Variants in CAMTA1 observed in about 807,000 individuals in gnomAD.
The protein encoded by CAMTA1 is calmodulin binding transcription activator 1, also known as calmodulin-binding transcription activator 1.
Under a neutral mutation model 170.9 loss-of-function variants are expected in CAMTA1, and 27 were observed. That is an observed-to-expected ratio of 0.16 (90% CI 0.12 to 0.22). CAMTA1 has a LOEUF of 0.22. Ranked by LOEUF, CAMTA1 falls within the 10% of genes least tolerant of loss-of-function variation. CAMTA1 has a pLI of 1.00. For missense variants in CAMTA1, 1,619 were observed against 2,217.2 expected (o/e 0.73, Z 5.42); for synonymous variants, 833 against 891.5 (o/e 0.93, Z 1.17).
At chr1:7,543,837 C>CT (rs34168518) in intron 6 of CAMTA1, among the ~76,000 whole-genome samples, 21 of 147,524 alleles carry the variant, frequency 1.4e-4, no homozygotes, top group Middle Eastern at 3.6e-3. Context: ...GCGAGCAGAA[C>CT]TTTTTTTTTT....
intron 5 of CAMTA1, among the ~76,000 whole-genome samples, chr1:7,401,670 C>T (rs2089915656): frequency 6.6e-6 from 1 of 152,168 alleles, no homozygotes. Flanking sequence ...TTCATTAGTG[C>T]TCTCTAGTTT....
rs546348364 is a variant in CAMTA1 at position 7,476,671 on chromosome 1, G to A, written c.510+8770G>A. Reference sequence around the variant, plus strand: ...TGGAGGGGAGCATGGGGAAGGGCCTGGAATCCTCCTGACTCTCTGCTGGGC... The same window carrying A: ...TGGAGGGGAGCATGGGGAAGGGCCTAGAATCCTCCTGACTCTCTGCTGGGC... On this transcript the variant is annotated intron_variant, in intron 6 of 22. Coordinates refer to ENST00000303635, the MANE Select transcript of CAMTA1 (RefSeq NM_015215.4). Among the ~76,000 whole-genome samples, 316 of 152,256 alleles carry A rather than the reference G, an allele frequency of 2.1e-3. 1 individual carries two copies. The highest frequency in any genetic ancestry group is 4.0e-3 in the Non-Finnish European group (270 of 68,014).
chr1:7,218,190 T>C (rs540365273), intron 4 of CAMTA1, among the ~76,000 whole-genome samples: 1 of 152,370 alleles, frequency 6.6e-6, no homozygotes, highest in African/African-American at 2.4e-5. Flanking sequence ...TATAGTAAGT[T>C]ATTTGATCTT....
chr1:7,247,410 G>A (rs1665989185), intron 4 of CAMTA1, among the ~76,000 whole-genome samples: 1 of 152,186 alleles, frequency 6.6e-6, no homozygotes, highest in African/African-American at 2.4e-5. Flanking sequence ...ACCCTGCTGA[G>A]GTTATTAGTC....
chr1:7,244,861 G>A (rs1356864176), intron 4 of CAMTA1, among the ~76,000 whole-genome samples: 2 of 151,934 alleles, frequency 1.3e-5, no homozygotes, highest in African/African-American at 4.8e-5. Flanking sequence ...CCTGCACGTT[G>A]TGCACATGTA....
intron 3 of CAMTA1, among the ~76,000 whole-genome samples, chr1:7,012,658 G>A (rs575322188): frequency 5.9e-5 from 9 of 152,230 alleles, no homozygotes; most frequent in African/African-American, 2.2e-4. Flanking sequence ...GCCCCTCTCT[G>A]TGACGCACTT....
At position 7,007,582 on chromosome 1, in the gene CAMTA1, C is replaced by T. The variant is rs540609229; in HGVS notation, c.235-83722C>T. On this transcript the variant is annotated intron_variant, in intron 3 of 22. Transcript: ENST00000303635. This position sits in a 1 kb window ranked among gnomAD's most constrained non-coding sequence, Gnocchi z 4.5. ...ACCTCCTGCTTCAGCCCTTACTCGC[C>T]TCCTCCAATCCCAAACTCCTCCCAT... Among the ~76,000 whole-genome samples, 2 of 152,290 alleles carry T rather than the reference C, an allele frequency of 1.3e-5. No individual in the cohort carries two copies. Among genetic ancestry groups the T allele is most frequent in the South Asian group, 4.2e-4 (2 of 4,818 alleles).
chr1:7,635,329 C>T lies in CAMTA1; in HGVS notation c.511-5071C>T, dbSNP rs922173626. Among the ~76,000 whole-genome samples, 4 of 152,122 alleles carry T rather than the reference C, an allele frequency of 2.6e-5. No homozygotes were observed. The highest frequency in any genetic ancestry group is 7.2e-5 in the African/African-American group (3 of 41,420). On this transcript the variant is annotated intron_variant, in intron 6 of 22. Transcript: ENST00000303635. This position sits in a 1 kb window ranked among gnomAD's most constrained non-coding sequence, Gnocchi z 4.4. ...ACTGTCCAGAATCAAGGATCCGGGC[C>T]GGGCGTGGTGGCTCACGCCTGTAAT... is the stretch of plus-strand genomic sequence containing the variant.
intron 5 of CAMTA1, among the ~76,000 whole-genome samples, chr1:7,350,506 G>A (rs1052767287): frequency 4.6e-5 from 7 of 152,182 alleles, no homozygotes; most frequent in African/African-American, 1.7e-4. Flanking sequence ...CTCCGTTTCT[G>A]CGATATCACT....
intron 3 of CAMTA1, among the ~76,000 whole-genome samples, chr1:6,842,337 G>C (rs531461816): frequency 6.6e-6 from 1 of 152,204 alleles, no homozygotes; most frequent in South Asian, 2.1e-4. Context: ...GCTCAGAAGA[G>C]CCAGGCCTCC....
At chr1:6,900,919 A>G (rs1467922439) in intron 3 of CAMTA1, among the ~76,000 whole-genome samples, 1 of 152,252 alleles carries the variant, frequency 6.6e-6, no homozygotes, top group Admixed American at 6.5e-5. Flanking sequence ...GTTTTTATGG[A>G]AATGCAAAAG....
chr1:7,252,565 A>G (rs889060953), intron 5 of CAMTA1, among the ~76,000 whole-genome samples: 3 of 152,182 alleles, frequency 2.0e-5, no homozygotes, highest in African/African-American at 4.8e-5. Context: ...AGGGATTTCC[A>G]TGGGGCTTTG....
intron 3 of CAMTA1, among the ~76,000 whole-genome samples, chr1:7,078,350 A>G (rs978183999): frequency 6.6e-6 from 1 of 152,212 alleles, no homozygotes; most frequent in Non-Finnish European, 1.5e-5. Flanking sequence ...GCAAGTCTGC[A>G]TCTTCATCTG....
chr1:7,663,329 C>T (rs780476823), intron 8 of CAMTA1, 24 bp from the exon 9 acceptor site: 49 of 1,517,344 alleles, frequency 3.2e-5, no homozygotes, highest in Admixed American at 6.5e-5. Flanking sequence ...TGTGCGTGCG[C>T]GTGTTGTGTT....
chr1:7,674,445 C>T lies in CAMTA1; in HGVS notation c.2780-3154C>T, dbSNP rs1427384346. On this transcript the variant is annotated intron_variant, in intron 10 of 22. Transcript: ENST00000303635. The surrounding 1 kb of genome is among the most constrained non-coding windows in gnomAD (Gnocchi z 4.1). Reference sequence around the variant, plus strand: ...AGACTCTACTGGCCAGAGAGCCCTACTCTGGATTCCTAAGAGGTCACCAGA... The same window carrying T: ...AGACTCTACTGGCCAGAGAGCCCTATTCTGGATTCCTAAGAGGTCACCAGA... Among the ~76,000 whole-genome samples, 1 of 152,140 alleles carries T rather than the reference C, an allele frequency of 6.6e-6. No individual in the cohort carries two copies. The highest frequency in any genetic ancestry group is 2.4e-5 in the African/African-American group (1 of 41,436).
chr1:6,797,353 G>C (rs992171769), intron 1 of CAMTA1, among the ~76,000 whole-genome samples: 3 of 150,594 alleles, frequency 2.0e-5, no homozygotes, highest in African/African-American at 7.4e-5. Flanking sequence ...GAACCACCAC[G>C]TTCGGCTGAG....
At chr1:7,439,450 C>A (rs116300315) in intron 5 of CAMTA1, among the ~76,000 whole-genome samples, 1,613 of 152,288 alleles carry the variant, frequency 0.011, 25 homozygotes, top group African/African-American at 0.036. Context: ...GTCCAGCCCC[C>A]ACTCCTGCCT....
At chr1:7,358,661 A>T (rs895726691) in intron 5 of CAMTA1, among the ~76,000 whole-genome samples, 9 of 152,286 alleles carry the variant, frequency 5.9e-5, no homozygotes, top group African/African-American at 2.2e-4. Context: ...TGCTGAATAT[A>T]GATATATTTT....
rs1192642849 is a variant in CAMTA1, at chr1:7,451,007, A to T, written c.439-16823A>T. On this transcript the variant is annotated intron_variant, in intron 5 of 22. Transcript: ENST00000303635. ...TGTTAGCTCGGGAGAAGCAGGTGTA[A>T]TTACAGAGGCCCAGGCAGGGCACTG... is the stretch of plus-strand genomic sequence containing the variant. Among the ~76,000 whole-genome samples the T allele has an allele frequency of 2.0e-5, 3 of 152,240 alleles. No homozygotes were observed. In the East Asian group the frequency reaches 5.8e-4, roughly 29 times the overall value.
Sources: allele counts gnomAD v4.1 joint callset (sites outside exome capture counted in the v4.1 genomes callset), GRCh38; gene constraint gnomAD v4.1.1; non-coding constraint Gnocchi (gnomAD v3.1); transcripts MANE v1.5; gene names NCBI Gene and HGNC (gene_info 2026-07-23, HGNC 2026-07-21).